KCNJ5: variants seen among roughly 807,000 people sequenced by gnomAD.
The protein encoded by KCNJ5 is G protein-activated inward rectifier potassium channel 4.
Under a neutral mutation model 20.2 loss-of-function variants are expected in KCNJ5, and 12 were observed. The observed-to-expected ratio is 0.59, with a 90% CI of 0.38 to 0.96. KCNJ5 has a LOEUF of 0.96. Among genes scored for constraint, KCNJ5 ranks in the 40% least tolerant of loss-of-function variants. The pLI is 0.00. For missense variants in KCNJ5, 449 were observed against 557.6 expected, an observed-to-expected ratio of 0.81 and a Z score of 1.96; for synonymous variants, 210 against 213.9, an observed-to-expected ratio of 0.98 and a Z score of 0.16.
At chr11:128,907,920 AT>A (rs1489187841) in intron 1 of KCNJ5, among the ~76,000 whole-genome samples, 2 of 152,232 alleles carry the variant, frequency 1.3e-5, no homozygotes, top group African/African-American at 4.8e-5. Context: ...TGTGTGCTTA[AT>A]GAGTGCATAA....
In KCNJ5 at chr11:128,916,907, T is replaced by C; in HGVS notation, c.*176T>C. 1.7e-6 allele frequency: 1 copy of C among 592,452 alleles called. No homozygotes were observed. The highest frequency in any genetic ancestry group is 3.0e-6 in the Non-Finnish European group (1 of 337,478). The allele number at this position is 592,452 out of a possible 1,614,324, so 36.7% of individuals were successfully genotyped here. On this transcript the variant is annotated 3_prime_UTR_variant, in exon 3 of 3. Transcript: ENST00000529694. ...CACAGCTCCCAGCACAGGGCCTCCCTGAGCCAGTGGCATCCTGCCTGGGCC... is the reference window on the plus strand; with the variant it reads ...CACAGCTCCCAGCACAGGGCCTCCCCGAGCCAGTGGCATCCTGCCTGGGCC...
At position 128,920,392 on chromosome 11, in the gene KCNJ5, T is replaced by A. The variant is rs1944648987; in HGVS notation, c.*3661T>A. 6.6e-6 allele frequency: 1 copy of A among 152,316 alleles called. No individual in the cohort carries two copies. Among genetic ancestry groups the A allele is most frequent in the Non-Finnish European group, 1.5e-5 (1 of 68,136 alleles). 9.4% of individuals were successfully genotyped at this position (152,316 alleles called of 1,614,324 possible). On this transcript the variant is annotated 3_prime_UTR_variant, in exon 3 of 3. Transcript: ENST00000529694. ...TGGGGAGCACTGTCCCTGCTCGTGA[T>A]CTGTAACAGTGGGGCGCTTTTTCAC...
chr11:128,902,556 G>A (rs367886260), intron 1 of KCNJ5: 70 of 1,598,222 alleles, frequency 4.4e-5, no homozygotes, highest in Non-Finnish European at 5.6e-5. Flanking sequence ...AGGAGACAGG[G>A]CTAGTTAGGA....
At chr11:128,903,170 A>G (rs1222698318) in intron 1 of KCNJ5, among the ~76,000 whole-genome samples, 2 of 152,150 alleles carry the variant, frequency 1.3e-5, no homozygotes, top group African/African-American at 4.8e-5. Flanking sequence ...TGCATTTATC[A>G]TGGGTTTGTA....
chr11:128,900,135 C>T (rs1004042681), intron 1 of KCNJ5: 1 of 152,194 alleles, frequency 6.6e-6, no homozygotes, highest in African/African-American at 2.4e-5. Context: ...TTTAGACTCA[C>T]TTAGATACAC....
rs968508651 is a variant in KCNJ5, at chr11:128,920,407, C to A, written c.*3676C>A. The A allele has an allele frequency of 6.6e-6, 1 of 152,216 alleles. No individual in the cohort carries two copies. The highest frequency in any genetic ancestry group is 2.4e-5 in the African/African-American group (1 of 41,366). The allele number at this position is 152,216 out of a possible 1,614,324, so 9.4% of individuals were successfully genotyped here. On this transcript the variant is annotated 3_prime_UTR_variant, in exon 3 of 3. Coordinates refer to ENST00000529694, the MANE Select transcript of KCNJ5 (RefSeq NM_000890.5). ...CTGCTCGTGATCTGTAACAGTGGGG[C>A]GCTTTTTCACACCCCTTATCTCACG...
chr11:128,894,767 C>A (rs1026281631), intron 1 of KCNJ5, among the ~76,000 whole-genome samples: 1 of 152,224 alleles, frequency 6.6e-6, no homozygotes, highest in South Asian at 2.1e-4. Context: ...CCTCTGAAGG[C>A]CCTGCCTGTG....
rs564929248 is a variant in KCNJ5 at position 128,904,461 on chromosome 11, G to A, written c.-10-6803G>A. 3.0e-5 allele frequency: 48 copies of A among 1,613,744 alleles called. No homozygotes were observed. In the South Asian group the frequency reaches 4.8e-4, roughly 16 times the overall value. ...GGAGTCACCTGGGGCCAGATTCTGGGACTAGGCATCAGCACGTTGTCCAGC... is the reference window on the plus strand; with the variant it reads ...GGAGTCACCTGGGGCCAGATTCTGGAACTAGGCATCAGCACGTTGTCCAGC... On this transcript the variant is annotated intron_variant, in intron 1 of 2. Transcript: ENST00000529694.
In KCNJ5 at chr11:128,893,666, T is replaced by A. The variant is rs1285267443; in HGVS notation, c.-11+1945T>A. Among the ~76,000 whole-genome samples the A allele has an allele frequency of 2.0e-5, 3 of 148,166 alleles. No individual in the cohort carries two copies. The Admixed American group carries it at 2.0e-4, about 10-fold the overall frequency. On this transcript the variant is annotated intron_variant, in intron 1 of 2. Coordinates refer to ENST00000529694, the MANE Select transcript of KCNJ5 (RefSeq NM_000890.5). ...AGTAGCCTGCCTGTGCTCTATCCAGTGAGCAGTTCAGCTAAAGGAGGAGCC... is the reference window on the plus strand; with the variant it reads ...AGTAGCCTGCCTGTGCTCTATCCAGAGAGCAGTTCAGCTAAAGGAGGAGCC...
intron 2 of KCNJ5, among the ~76,000 whole-genome samples, chr11:128,913,579 TC>T (rs1202798932): frequency 8.0e-5 from 7 of 87,890 alleles, no homozygotes; most frequent in South Asian, 1.0e-3. Context: ...TCTCTCTCTC[TC>T]TCTTTTTTTT....
At chr11:128,915,824 TGGA>T (rs1422634851) in intron 2 of KCNJ5, among the ~76,000 whole-genome samples, 1 of 150,508 alleles carries the variant, frequency 6.6e-6, no homozygotes, top group Admixed American at 6.6e-5. Flanking sequence ...GATGGATGGA[TGGA>T]TGGATGGATG....
chr11:128,903,288 A>C (rs990476606), intron 1 of KCNJ5: 1 of 1,503,012 alleles, frequency 6.7e-7, no homozygotes, highest in Non-Finnish European at 9.1e-7. Context: ...AATAGGAGAA[A>C]GCCTACTAAT....
chr11:128,906,202 T>G (rs1287133225), intron 1 of KCNJ5, among the ~76,000 whole-genome samples: 1 of 152,222 alleles, frequency 6.6e-6, no homozygotes, highest in Admixed American at 6.5e-5. Flanking sequence ...TATCCCCATT[T>G]TGCAAATAAA....
At chr11:128,905,373 G>A (rs1390758648) in intron 1 of KCNJ5, among the ~76,000 whole-genome samples, 2 of 152,344 alleles carry the variant, frequency 1.3e-5, no homozygotes, top group Non-Finnish European at 2.9e-5. Context: ...CGCACTGGGG[G>A]CTTCGTCCCC....
chr11:128,916,846 A>T lies in KCNJ5; in HGVS notation c.*115A>T, dbSNP rs905108897. 4.9e-6 allele frequency: 4 copies of T among 820,590 alleles called. No individual in the cohort carries two copies. The highest frequency in any genetic ancestry group is 1.7e-5 in the African/African-American group (1 of 57,702). 50.8% of individuals were successfully genotyped at this position (820,590 alleles called of 1,614,324 possible). On this transcript the variant is annotated 3_prime_UTR_variant, in exon 3 of 3. Coordinates refer to ENST00000529694, the MANE Select transcript of KCNJ5 (RefSeq NM_000890.5). ...TGTGCTGTTTGGGGGCTCAGGAGCC[A>T]TCAAGGCTGTGGGGAGGAACCATAA...
intron 1 of KCNJ5, chr11:128,904,620 T>C: frequency 3.9e-6 from 3 of 760,426 alleles, no homozygotes; most frequent in Non-Finnish European, 7.3e-6. Context: ...ACCTACAGAA[T>C]CAGAACCCGC....
At chr11:128,902,258 C>G (rs1205351866) in intron 1 of KCNJ5, 1 of 464,440 alleles carries the variant, frequency 2.2e-6, no homozygotes, top group African/African-American at 2.0e-5. Flanking sequence ...TACATCGGCG[C>G]CAGGAACCAG....
intron 1 of KCNJ5, among the ~76,000 whole-genome samples, chr11:128,906,960 G>A (rs2135995083): frequency 6.6e-6 from 1 of 152,284 alleles, no homozygotes; most frequent in South Asian, 2.1e-4. Context: ...GTATTCTGGT[G>A]TTACATTCAA....
At chr11:128,899,395 A>G (rs551812218) in intron 1 of KCNJ5, among the ~76,000 whole-genome samples, 67 of 152,288 alleles carry the variant, frequency 4.4e-4, no homozygotes, top group African/African-American at 1.6e-3. Context: ...CACATTTACC[A>G]TCCCTCACCA....
Sources: allele counts gnomAD v4.1 joint callset (sites outside exome capture counted in the v4.1 genomes callset), GRCh38; gene constraint gnomAD v4.1.1; transcripts MANE v1.5; gene names NCBI Gene and HGNC (gene_info 2026-07-23, HGNC 2026-07-21).